CCSER1: variants seen among roughly 807,000 people sequenced by gnomAD.
CCSER1 encodes coiled-coil serine rich protein 1.
Under a neutral mutation model 82.0 loss-of-function variants are expected in CCSER1, and 41 were observed. The observed-to-expected ratio is 0.50, with a 90% CI of 0.39 to 0.65. The LOEUF is 0.65. Ranked by LOEUF, CCSER1 falls within the 30% of genes least tolerant of loss-of-function variation. The pLI is 0.00. For missense variants in CCSER1, 1,119 were observed against 1,064.2 expected (o/e 1.05, Z -0.72); for synonymous variants, 414 against 383.9 (o/e 1.08, Z -0.92).
At chr4:90,661,678 A>C (rs1730810977) in intron 6 of CCSER1, among the ~76,000 whole-genome samples, 1 of 152,142 alleles carries the variant, frequency 6.6e-6, no homozygotes, top group African/African-American at 2.4e-5. Context: ...ATAACTCCAA[A>C]ATTTCCTAAA....
chr4:90,766,132 A>G (rs1383305076), intron 7 of CCSER1, among the ~76,000 whole-genome samples: 4 of 152,130 alleles, frequency 2.6e-5, no homozygotes, highest in African/African-American at 7.2e-5. Flanking sequence ...AAATTTTTAG[A>G]AATTTGGGGA....
intron 9 of CCSER1, among the ~76,000 whole-genome samples, chr4:91,048,599 A>G (rs1249547508): frequency 6.6e-6 from 1 of 152,138 alleles, no homozygotes; most frequent in Non-Finnish European, 1.5e-5. Context: ...AATAAATTTC[A>G]TACATACAAT....
At chr4:91,181,577 C>T (rs1403830698) in intron 10 of CCSER1, among the ~76,000 whole-genome samples, 2 of 152,182 alleles carry the variant, frequency 1.3e-5, no homozygotes, top group Admixed American at 1.3e-4. Context: ...TACTTCTCAT[C>T]ATTTCTACCA....
intron 1 of CCSER1, among the ~76,000 whole-genome samples, chr4:90,185,286 T>C (rs1421249965): frequency 6.6e-6 from 1 of 152,074 alleles, no homozygotes; most frequent in East Asian, 1.9e-4. Context: ...ATTGACTGAT[T>C]TGTTTCTCTG....
chr4:90,648,284 G>GAGAGAGAGAAAGAAAGGAAAGAAA, intron 6 of CCSER1, among the ~76,000 whole-genome samples: 2 of 89,956 alleles, frequency 2.2e-5, no homozygotes, highest in East Asian at 5.8e-4. Flanking sequence ...GAGAAAGAAA[G>GAGAGAGAGAAAGAAAGGAAAGAAA]GAAAGAAAGA....
intron 7 of CCSER1, among the ~76,000 whole-genome samples, chr4:90,808,220 C>T (rs1757779795): frequency 6.6e-6 from 1 of 152,074 alleles, no homozygotes. Context: ...TCCCTATTCT[C>T]ACCATGTACA....
At chr4:90,837,310 G>C (rs1378587125) in intron 8 of CCSER1, among the ~76,000 whole-genome samples, 1 of 152,050 alleles carries the variant, frequency 6.6e-6, no homozygotes, top group Non-Finnish European at 1.5e-5. Flanking sequence ...TCTAGAGAAA[G>C]ACTGAAATTT....
At chr4:90,842,029 T>G (rs962958668) in intron 8 of CCSER1, among the ~76,000 whole-genome samples, 10 of 30,676 alleles carry the variant, frequency 3.3e-4, no homozygotes, top group Admixed American at 7.9e-4. Flanking sequence ...ATTTCTCTGT[T>G]TTTTTTTTCC....
At chr4:90,832,829 GTTCTTCCATAGAAAAATTACTAAGCTTAC>G (rs1761303895) in intron 8 of CCSER1, among the ~76,000 whole-genome samples, 1 of 152,034 alleles carries the variant, frequency 6.6e-6, no homozygotes, top group African/African-American at 2.4e-5. Flanking sequence ...TATTTATAGT[GTTCTTCCATAGAAAAATTACTAAGCTTAC>G]TTTTGTAAAG....
intron 9 of CCSER1, among the ~76,000 whole-genome samples, chr4:91,080,301 C>A (rs940782221): frequency 6.6e-6 from 1 of 152,182 alleles, no homozygotes; most frequent in East Asian, 1.9e-4. Flanking sequence ...ACTGAACAAC[C>A]TGCTCCTGAA....
At chr4:90,141,170 A>G (rs1461396515) in intron 1 of CCSER1, among the ~76,000 whole-genome samples, 1 of 152,180 alleles carries the variant, frequency 6.6e-6, no homozygotes, top group African/African-American at 2.4e-5. Flanking sequence ...TTTATATTAC[A>G]GTTTTGAGGC....
chr4:90,312,453 C>G (rs1259567430), intron 2 of CCSER1, among the ~76,000 whole-genome samples: 1 of 152,070 alleles, frequency 6.6e-6, no homozygotes, highest in African/African-American at 2.4e-5. Flanking sequence ...ATTCTGGCTA[C>G]TATGTGGAAT....
intron 10 of CCSER1, among the ~76,000 whole-genome samples, chr4:91,520,851 G>T (rs1371692652): frequency 6.6e-6 from 1 of 151,946 alleles, no homozygotes; most frequent in African/African-American, 2.4e-5. Flanking sequence ...ATTATCAGTT[G>T]GAAAATACTG....
intron 4 of CCSER1, among the ~76,000 whole-genome samples, chr4:90,464,445 G>A (rs1170621620): frequency 6.6e-6 from 1 of 152,108 alleles, no homozygotes; most frequent in Admixed American, 6.5e-5. Context: ...ACTTCTACTA[G>A]GTACAGTTCC....
At chr4:90,529,711 T>C (rs1205340535) in intron 5 of CCSER1, among the ~76,000 whole-genome samples, 1 of 152,138 alleles carries the variant, frequency 6.6e-6, no homozygotes, top group East Asian at 1.9e-4. Flanking sequence ...TTTAACGAAA[T>C]GTGGATGTTC....
intron 6 of CCSER1, among the ~76,000 whole-genome samples, chr4:90,645,884 A>T (rs1727487505): frequency 6.6e-6 from 1 of 152,218 alleles, no homozygotes; most frequent in Non-Finnish European, 1.5e-5. Context: ...GCTGTGTCAA[A>T]TTTAAATACC....
chr4:90,834,042 T>G (rs1213013896), intron 8 of CCSER1, among the ~76,000 whole-genome samples: 1 of 152,214 alleles, frequency 6.6e-6, no homozygotes, highest in Non-Finnish European at 1.5e-5. Flanking sequence ...CTACATAAAC[T>G]TCCTTATGAA....
At chr4:91,062,063 A>G (rs1358274058) in intron 9 of CCSER1, among the ~76,000 whole-genome samples, 1 of 151,980 alleles carries the variant, frequency 6.6e-6, no homozygotes, top group African/African-American at 2.4e-5. Flanking sequence ...CTGTCAGTGT[A>G]GCATACATAA....
At chr4:91,380,086 G>T (rs897179855) in intron 10 of CCSER1, among the ~76,000 whole-genome samples, 3 of 152,128 alleles carry the variant, frequency 2.0e-5, no homozygotes, top group African/African-American at 7.2e-5. Context: ...CTGAGTTCTA[G>T]TTTGATTGCA....
Sources: gnomAD v4.1 joint callset for allele counts (sites outside exome capture counted in the v4.1 genomes callset) on GRCh38, gnomAD v4.1.1 for gene constraint, MANE v1.5 for transcripts, NCBI Gene and HGNC (gene_info 2026-07-23, HGNC 2026-07-21) for gene names.